The following NAALADL2 variants were observed in gnomAD, a reference collection of about 807,000 sequenced individuals.
NAALADL2 encodes the protein inactive N-acetylated-alpha-linked acidic dipeptidase-like protein 2.
Under a neutral mutation model 87.2 loss-of-function variants are expected in NAALADL2, and 76 were observed. The observed-to-expected ratio is 0.87, with a 90% CI of 0.72 to 1.05. The LOEUF (loss-of-function observed/expected upper bound fraction) is 1.05. Among genes scored for constraint, NAALADL2 ranks in the 50% least tolerant of loss-of-function variants. The probability of loss-of-function intolerance (pLI) is 0.00; values close to 1 mark genes in which losing one functional copy is unlikely to be tolerated. For missense variants in NAALADL2, 1,089 were observed against 945.8 expected, an observed-to-expected ratio of 1.15 and a Z score of -1.99; for synonymous variants, 354 against 331.0, an observed-to-expected ratio of 1.07 and a Z score of -0.75.
intron 11 of NAALADL2, among the ~76,000 whole-genome samples, chr3:175,734,140 G>A (rs1744179672): frequency 2.0e-5 from 3 of 152,184 alleles, no homozygotes; most frequent in African/African-American, 7.2e-5. Context: ...GCCCCAGTAG[G>A]GACTCTCTGT....
chr3:175,174,048 A>G (rs1735295859), intron 2 of NAALADL2, among the ~76,000 whole-genome samples: 1 of 152,116 alleles, frequency 6.6e-6, no homozygotes, highest in African/African-American at 2.4e-5. Flanking sequence ...ACCCTCAATC[A>G]TCCTTAAAAA....
At chr3:175,093,196 A>G (rs1218019673) in intron 1 of NAALADL2, among the ~76,000 whole-genome samples, 1 of 151,638 alleles carries the variant, frequency 6.6e-6, no homozygotes, top group Non-Finnish European at 1.5e-5. Flanking sequence ...ATTTTGCTGA[A>G]TATTTGTCTT....
chr3:175,040,475 G>A (rs900615411), intron 1 of NAALADL2, among the ~76,000 whole-genome samples: 3 of 152,102 alleles, frequency 2.0e-5, no homozygotes, highest in Admixed American at 1.3e-4. Flanking sequence ...TACGGGGGCC[G>A]TTTCCATAAA....
intron 9 of NAALADL2, among the ~76,000 whole-genome samples, chr3:175,494,597 C>T (rs1017340179): frequency 6.6e-6 from 1 of 151,930 alleles, no homozygotes. Flanking sequence ...CAGTATATTC[C>T]GACTCTCCAG....
At chr3:174,906,128 T>G (rs1251400228) in intron 1 of NAALADL2, among the ~76,000 whole-genome samples, 1 of 152,080 alleles carries the variant, frequency 6.6e-6, no homozygotes, top group Non-Finnish European at 1.5e-5. Context: ...ACATTGTACA[T>G]TATATTTCTC....
At chr3:175,052,899 G>T (rs1755604571) in intron 1 of NAALADL2, among the ~76,000 whole-genome samples, 1 of 152,124 alleles carries the variant, frequency 6.6e-6, no homozygotes, top group South Asian at 2.1e-4. Flanking sequence ...TCTACCATCT[G>T]ACCATTTTGT....
intron 1 of NAALADL2, among the ~76,000 whole-genome samples, chr3:174,531,650 C>T (rs1560035464): frequency 1.3e-5 from 2 of 152,070 alleles, no homozygotes; most frequent in Admixed American, 6.6e-5. Context: ...AAAGAAGAAA[C>T]CCCAAAGTAA....
chr3:175,196,629 A>G (rs7638637), intron 2 of NAALADL2, among the ~76,000 whole-genome samples: 56,695 of 151,822 alleles, frequency 0.37, 11,784 homozygotes, highest in East Asian at 0.52. Context: ...GTATTATTCT[A>G]TAGATATGCC....
intron 2 of NAALADL2, among the ~76,000 whole-genome samples, chr3:175,204,284 G>A (rs1010719308): frequency 2.6e-5 from 4 of 152,136 alleles, no homozygotes; most frequent in South Asian, 4.1e-4. Context: ...TATGGGGATG[G>A]TTTAACATAT....
intron 2 of NAALADL2, among the ~76,000 whole-genome samples, chr3:174,646,726 C>T (rs1723824390): frequency 6.6e-6 from 1 of 152,012 alleles, no homozygotes; most frequent in African/African-American, 2.4e-5. Context: ...GATTATTACT[C>T]TTTTATGCTG....
chr3:174,731,967 A>T (rs906565448), intron 2 of NAALADL2, among the ~76,000 whole-genome samples: 8 of 152,270 alleles, frequency 5.3e-5, no homozygotes, highest in African/African-American at 1.9e-4. Flanking sequence ...TTATAGCAGG[A>T]AAGCCACCAT....
chr3:174,946,466 G>C (rs1739435180), intron 1 of NAALADL2, among the ~76,000 whole-genome samples: 1 of 152,086 alleles, frequency 6.6e-6, no homozygotes, highest in South Asian at 2.1e-4. Context: ...GTTAAACAGG[G>C]AATATGATGT....
intron 5 of NAALADL2, among the ~76,000 whole-genome samples, chr3:175,327,398 G>A (rs1377506893): frequency 1.3e-5 from 2 of 152,008 alleles, no homozygotes; most frequent in Admixed American, 6.5e-5. Context: ...CTCGTGATCC[G>A]CCCACCTCGG....
rs1285712746 is a variant in NAALADL2, at chr3:175,232,308, AAGAT to A, written c.546-1620_546-1617del. Among the ~76,000 whole-genome samples, 8 of 152,272 alleles carry A rather than the reference AAGAT, an allele frequency of 5.3e-5. No individual in the cohort carries two copies. In the South Asian group the frequency reaches 1.7e-3, roughly 32 times the overall value. Reference sequence around the variant, plus strand: ...AAGCATGAATAGGAGTAGCTTCACAAAGATAGGAGATAACCGAGAAACTGTTTTT... The same window carrying A: ...AAGCATGAATAGGAGTAGCTTCACAAAGGAGATAACCGAGAAACTGTTTTT... On this transcript the variant is annotated intron_variant, in intron 2 of 13. Transcript: ENST00000454872.
chr3:174,512,002 G>T (rs1289943472), intron 1 of NAALADL2, among the ~76,000 whole-genome samples: 1 of 151,584 alleles, frequency 6.6e-6, no homozygotes, highest in Non-Finnish European at 1.5e-5. Context: ...AATAATTTTT[G>T]CCTTAAACAA....
At chr3:175,437,774 T>C (rs1679547503) in intron 5 of NAALADL2, among the ~76,000 whole-genome samples, 1 of 152,150 alleles carries the variant, frequency 6.6e-6, no homozygotes, top group South Asian at 2.1e-4. Context: ...TGTGTAGTAC[T>C]TTTTAAAAAG....
At chr3:175,670,191 A>G (rs1206403432) in intron 11 of NAALADL2, among the ~76,000 whole-genome samples, 1 of 151,910 alleles carries the variant, frequency 6.6e-6, no homozygotes, top group African/African-American at 2.4e-5. Flanking sequence ...TAGCAAAACT[A>G]GGATTTGAAT....
chr3:174,657,573 C>A (rs1217267903), intron 2 of NAALADL2, among the ~76,000 whole-genome samples: 1 of 152,142 alleles, frequency 6.6e-6, no homozygotes, highest in Non-Finnish European at 1.5e-5. Flanking sequence ...GCCTCCCCCA[C>A]TATCAATATT....
chr3:175,776,786 T>C (rs1221564721), intron 13 of NAALADL2, among the ~76,000 whole-genome samples: 1 of 152,140 alleles, frequency 6.6e-6, no homozygotes, highest in African/African-American at 2.4e-5. Context: ...AAGAAGGGAA[T>C]AGAGTCGGAG....
Sources: gnomAD v4.1 joint callset for allele counts (sites outside exome capture counted in the v4.1 genomes callset) on GRCh38, gnomAD v4.1.1 for gene constraint, MANE v1.5 for transcripts, NCBI Gene and HGNC (gene_info 2026-07-23, HGNC 2026-07-21) for gene names.